The following UGT2B11 variants were observed in gnomAD, a reference collection of about 807,000 sequenced individuals.
UGT2B11 encodes the protein UDP-glucuronosyltransferase 2B11.
In UGT2B11, 49 loss-of-function variants were observed where a neutral mutation model predicts 51.7. The observed-to-expected ratio is 0.95, with a 90% CI of 0.75 to 1.20. The LOEUF is 1.20. Ranked by LOEUF, UGT2B11 falls within the 50% of genes most tolerant of loss-of-function variation. The probability of loss-of-function intolerance (pLI) is 0.00; values close to 1 mark genes in which losing one functional copy is unlikely to be tolerated. For synonymous variants in UGT2B11, 273 were observed against 209.0 expected, an observed-to-expected ratio of 1.31 and a Z score of -2.64; for missense variants, 810 against 622.1, an observed-to-expected ratio of 1.30 and a Z score of -3.21.
Position 69,200,568 on chromosome 4 carries a change from A to G in UGT2B11, c.1462T>C (p.Tyr488His). 2 of 1,612,456 alleles carry G rather than the reference A, an allele frequency of 1.2e-6. No homozygotes were observed. The highest frequency in any genetic ancestry group is 1.7e-6 in the Non-Finnish European group (2 of 1,179,012). The change falls in exon 6 of 6, where the codon TAC (tyrosine) becomes CAC (histidine). Residue 488 changes from tyrosine (Y) to histidine (H), a missense_variant. By Grantham distance (83) the Tyr-to-His change is moderately conservative. Transcript: ENST00000446444. The stretch of plus-strand genomic sequence containing the variant: ...AACCCAATCACATCCAAAGAGTGGT[A>G]CTGGAACCAGGTGAGGTCATGGGCT... ...VAAHDLTWFQ[Y>H]HSLDVIGFLL...
chr4:69,216,123 C>G (rs1229453684), upstream of UGT2B11: 2 of 151,886 alleles, frequency 1.3e-5, no homozygotes, highest in Non-Finnish European at 1.5e-5. Context: ...GATAGTAGAC[C>G]AAATGTATAA....
At chr4:69,208,895 G>A (rs1271513742) in intron 2 of UGT2B11, among the ~76,000 whole-genome samples, 2 of 151,702 alleles carry the variant, frequency 1.3e-5, no homozygotes, top group South Asian at 4.2e-4. Flanking sequence ...GTTTATTTCA[G>A]GCATGTTTTC....
At chr4:69,215,817 T>C (rs1722255643), upstream of UGT2B11, 3 of 152,014 alleles carry the variant, frequency 2.0e-5, no homozygotes, top group Admixed American at 2.0e-4. Context: ...TTTTTTATTT[T>C]AATTTATAAA....
At chr4:69,202,505 C>T (rs1478905957) in intron 5 of UGT2B11, among the ~76,000 whole-genome samples, 1 of 151,442 alleles carries the variant, frequency 6.6e-6, no homozygotes, top group African/African-American at 2.4e-5. Flanking sequence ...TATTGCCCAC[C>T]ACACATCACT....
chr4:69,216,436 G>A (rs921818453), upstream of UGT2B11: 4 of 151,814 alleles, frequency 2.6e-5, no homozygotes, highest in Admixed American at 2.0e-4. Context: ...TTTAACAGCA[G>A]ATTGTTGGAA....
upstream of UGT2B11, among the ~76,000 whole-genome samples, chr4:69,219,436 CT>C (rs1209349328): frequency 2.0e-5 from 3 of 152,026 alleles, no homozygotes; most frequent in South Asian, 4.2e-4. Context: ...TGCACAGGGG[CT>C]TTTTAGTTCA....
upstream of UGT2B11, among the ~76,000 whole-genome samples, chr4:69,218,398 G>A (rs1215798302): frequency 6.6e-6 from 1 of 151,904 alleles, no homozygotes; most frequent in South Asian, 2.1e-4. Flanking sequence ...TTTCAGTAAT[G>A]GCAAATTATG....
chr4:69,205,343 T>G lies in UGT2B11; in HGVS notation c.1090+137A>C, dbSNP rs993129843. The G allele has an allele frequency of 1.0e-5, 12 of 1,167,028 alleles. No individual in the cohort carries two copies. In the Admixed American group the frequency reaches 3.0e-4, roughly 29 times the overall value. 72.3% of individuals were successfully genotyped at this position (1,167,028 alleles called of 1,614,324 possible). A position where few individuals can be genotyped will look rare whatever the true frequency, so the allele number is the denominator to read the frequency against. ...AAATGCCAACAATTCTACCATATTC[T>G]TTTCCCCTAGGACTGGAAAATAAAT... On this transcript the variant is annotated intron_variant, in intron 4 of 5. Coordinates refer to ENST00000446444, the MANE Select transcript of UGT2B11 (RefSeq NM_001073.3).
At chr4:69,208,256 A>G in intron 3 of UGT2B11, 95 bp downstream of exon 3, 4 of 1,574,718 alleles carry the variant, frequency 2.5e-6, no homozygotes, top group South Asian at 1.2e-5. Flanking sequence ...GGATGTAAAG[A>G]GTTCACTCTA....
At chr4:69,204,347 T>C (rs1721768918) in intron 5 of UGT2B11, 83 bp downstream of exon 5, 1 of 1,561,396 alleles carries the variant, frequency 6.4e-7, no homozygotes, top group South Asian at 1.2e-5. Context: ...TACTCTCTTA[T>C]AAAAAGGATG....
the UGT2B11 span, among the ~76,000 whole-genome samples, chr4:69,222,460 C>A: frequency 6.6e-6 from 1 of 152,276 alleles, no homozygotes; most frequent in African/African-American, 2.4e-5. Context: ...ATGCCAGCGG[C>A]CCCAGTCTCC....
In UGT2B11 at chr4:69,214,144, G is replaced by A. The variant is rs145784351; in HGVS notation, c.579C>T (p.Tyr193=). Reference sequence around the variant, plus strand: ...TTAATTTTGACATAACAATAGGTATGTAGGAAGGAGGGAAAATCAGTCCTC... The same window carrying A: ...TTAATTTTGACATAACAATAGGTATATAGGAAGGAGGGAAAATCAGTCCTC... ...HSGGLIFPPS[Y]IPIVMSKLSD... Residue 193 remains tyrosine, a synonymous_variant, in exon 1 of 6, where the codon TAC becomes TAT. Coordinates refer to ENST00000446444, the MANE Select transcript of UGT2B11 (RefSeq NM_001073.3). The A allele has an allele frequency of 6.9e-4, 1,114 of 1,612,672 alleles. 1 individual carries two copies. Among genetic ancestry groups the A allele is most frequent in the Non-Finnish European group, 9.0e-4 (1,059 of 1,179,176 alleles).
chr4:69,200,895 CT>C (rs755492888), intron 5 of UGT2B11, among the ~76,000 whole-genome samples, 176 bp from the exon 6 acceptor site: 18 of 151,410 alleles, frequency 1.2e-4, no homozygotes, highest in Non-Finnish European at 2.1e-4. Flanking sequence ...TTAAATTGGA[CT>C]TTTCTCATTG....
At chr4:69,224,573 T>C in the UGT2B11 span, among the ~76,000 whole-genome samples, 39 of 152,118 alleles carry the variant, frequency 2.6e-4, no homozygotes, top group Middle Eastern at 3.4e-3. Context: ...AGGACAGAAT[T>C]GCAAGCCAAA....
In UGT2B11 at chr4:69,200,434, A is replaced by G. The variant is rs1721606584; in HGVS notation, c.*6T>C. ...CTGGTTTTCCAGCTTCAAATGTCAG[A>G]CATAACTAATCTCTTTTTCCCTTCT... On this transcript the variant is annotated 3_prime_UTR_variant, in exon 6 of 6. Coordinates refer to ENST00000446444, the MANE Select transcript of UGT2B11 (RefSeq NM_001073.3). 6.2e-7 allele frequency: 1 copy of G among 1,608,998 alleles called. No homozygotes were observed. The highest frequency in any genetic ancestry group is 8.5e-7 in the Non-Finnish European group (1 of 1,177,326).
chr4:69,204,324 A>T, intron 5 of UGT2B11, 106 bp downstream of exon 5: 1 of 1,497,442 alleles, frequency 6.7e-7, no homozygotes, highest in Non-Finnish European at 9.0e-7. Flanking sequence ...TATCATTTAA[A>T]TTCTTTCAAG....
At chr4:69,213,934 T>C in intron 1 of UGT2B11, 68 bp downstream of exon 1, 4 of 1,485,414 alleles carry the variant, frequency 2.7e-6, no homozygotes, top group South Asian at 1.5e-5. Flanking sequence ...TTTATGGCTT[T>C]ATAAAAGCTC....
At chr4:69,209,257 C>T (rs575746433) in intron 2 of UGT2B11, among the ~76,000 whole-genome samples, 2 of 151,696 alleles carry the variant, frequency 1.3e-5, no homozygotes, top group African/African-American at 4.8e-5. Context: ...GCACCTATTG[C>T]CCTGAAATCA....
upstream of UGT2B11, chr4:69,216,824 T>C (rs1722286523): frequency 1.3e-5 from 2 of 152,082 alleles, no homozygotes; most frequent in South Asian, 4.1e-4. Context: ...TATGGCTGTC[T>C]CCAGAACAAG....
Sources: allele counts gnomAD v4.1 joint callset (sites outside exome capture counted in the v4.1 genomes callset), GRCh38; gene constraint gnomAD v4.1.1; transcripts MANE v1.5; gene names NCBI Gene and HGNC (gene_info 2026-07-23, HGNC 2026-07-21).